The following WSB1 variants were observed in gnomAD, a reference collection of about 807,000 sequenced individuals.
The protein encoded by WSB1 is WD repeat and SOCS box containing 1.
Under a neutral mutation model 50.2 loss-of-function variants are expected in WSB1, and 23 were observed. The observed-to-expected ratio is 0.46, with a 90% CI of 0.33 to 0.65. The LOEUF is 0.65. Ranked by LOEUF, WSB1 falls within the 30% of genes least tolerant of loss-of-function variation. The pLI is 0.02. For synonymous variants in WSB1, 179 were observed against 172.0 expected (o/e 1.04, Z -0.32); for missense variants, 492 against 522.3 (o/e 0.94, Z 0.56).
chr17:27,294,718 C>T (rs1567680439), intron 1 of WSB1, among the ~76,000 whole-genome samples: 1 of 152,178 alleles, frequency 6.6e-6, no homozygotes, highest in Non-Finnish European at 1.5e-5. Flanking sequence ...GGCTCTTGTC[C>T]TGGGAGTTCT....
chr17:27,294,169 G>A lies in WSB1; in HGVS notation c.-227G>A. 2.6e-6 allele frequency: 1 copy of A among 389,284 alleles called. No homozygotes were observed. The highest frequency in any genetic ancestry group is 3.9e-5 in the East Asian group (1 of 25,696). 24.1% of individuals were successfully genotyped at this position (389,284 alleles called of 1,614,324 possible). Reference sequence around the variant, plus strand: ...GAACTGTCTTCCTCCGCAGGCGCGAGGCTGGGTACAGGGTCTATTGTCTGT... The same window carrying A: ...GAACTGTCTTCCTCCGCAGGCGCGAAGCTGGGTACAGGGTCTATTGTCTGT... On this transcript the variant is annotated 5_prime_UTR_variant, in exon 1 of 9. Transcript: ENST00000262394.
Position 27,315,394 on chromosome 17 carries a change from C to T in WSB1, c.*3025C>T, listed in dbSNP as rs1042401718. ...AATGAAATCACTTTAAAACCTATAA[C>T]TTGATCTTAGGTTGGCAAATCTTAA... On this transcript the variant is annotated 3_prime_UTR_variant, in exon 9 of 9. Transcript: ENST00000262394. The T allele has an allele frequency of 1.3e-5, 2 of 152,242 alleles. No homozygotes were observed. Among genetic ancestry groups the T allele is most frequent in the Admixed American group, 1.3e-4 (2 of 15,288 alleles). The allele number at this position is 152,242 out of a possible 1,614,324, so 9.4% of individuals were successfully genotyped here.
chr17:27,308,197 T>G, intron 5 of WSB1: 1 of 975,628 alleles, frequency 1.0e-6, no homozygotes, highest in Non-Finnish European at 1.2e-6. Context: ...TAATGTATTG[T>G]GTCTGTGCAG....
Position 27,303,543 on chromosome 17 carries a change from T to C in WSB1, c.386T>C (p.Ile129Thr), listed in dbSNP as rs762902828. The C allele has an allele frequency of 6.2e-6, 10 of 1,614,102 alleles. No individual in the cohort carries two copies. Among genetic ancestry groups the C allele is most frequent in the African/African-American group, 5.3e-5 (4 of 74,952 alleles). ...GAAAAACAGAGTCGCTGTGTAAATA[T>C]AGAATGGCATCGCTTCAGATTTGGA... ...VPEKQSRCVN[I>T]EWHRFRFGQD... The change falls in exon 3 of 9, where the codon ATA (isoleucine) becomes ACA (threonine). Residue 129 changes from isoleucine (I) to threonine (T), a missense_variant. By Grantham distance (89) the Ile-to-Thr change is moderately conservative. Transcript: ENST00000262394.
chr17:27,306,343 G>C (rs2017456643), intron 4 of WSB1, among the ~76,000 whole-genome samples: 1 of 150,424 alleles, frequency 6.6e-6, no homozygotes. Flanking sequence ...CTCCCAAGTA[G>C]CTAGGATTAC....
chr17:27,298,826 T>C (rs1322631923), intron 1 of WSB1, among the ~76,000 whole-genome samples: 1 of 152,118 alleles, frequency 6.6e-6, no homozygotes. Context: ...ATCAAGCCAC[T>C]GCACTCCAGC....
intron 1 of WSB1, among the ~76,000 whole-genome samples, chr17:27,301,360 A>G (rs553210857): frequency 1.4e-4 from 21 of 152,300 alleles, no homozygotes; most frequent in African/African-American, 5.1e-4. Flanking sequence ...ATGGTGAGGT[A>G]TGGTTTTTGA....
Position 27,294,331 on chromosome 17 carries a change from G to A in WSB1, c.-65G>A. 2 of 1,593,848 alleles carry A rather than the reference G, an allele frequency of 1.3e-6. No individual in the cohort carries two copies. Among genetic ancestry groups the A allele is most frequent in the South Asian group, 2.2e-5 (2 of 89,734 alleles). On this transcript the variant is annotated 5_prime_UTR_variant, in exon 1 of 9. Coordinates refer to ENST00000262394, the MANE Select transcript of WSB1 (RefSeq NM_015626.10). ...CAACTTGGCGTCACGCCCCTCAGCG[G>A]TCGCCACTCTCTTCTCTGTTGTTGG...
At chr17:27,307,966 T>C in intron 5 of WSB1, 1 of 1,250,400 alleles carries the variant, frequency 8.0e-7, no homozygotes, top group Non-Finnish European at 1.0e-6. Context: ...TCTTTTTTTC[T>C]TTTTTAAAGT....
intron 1 of WSB1, among the ~76,000 whole-genome samples, chr17:27,294,979 T>C (rs1388341834): frequency 2.0e-5 from 3 of 152,192 alleles, no homozygotes; most frequent in African/African-American, 7.2e-5. Context: ...TAGAATTATC[T>C]TTCAAACACT....
At chr17:27,303,160 C>G (rs889731470) in intron 2 of WSB1, 2 of 532,622 alleles carry the variant, frequency 3.8e-6, no homozygotes, top group African/African-American at 3.8e-5. Context: ...GTTGAACTTA[C>G]TACTCAGTCA....
At position 27,313,808 on chromosome 17, in the gene WSB1, T is replaced by C. The variant is rs1360026795; in HGVS notation, c.*1439T>C. On this transcript the variant is annotated 3_prime_UTR_variant, in exon 9 of 9. Transcript: ENST00000262394. Reference sequence around the variant, plus strand: ...GGCTCCCCGAGTGCAGCAGCTCTTATGGTGGTTTTGTTTTTAGGAGAACTG... The same window carrying C: ...GGCTCCCCGAGTGCAGCAGCTCTTACGGTGGTTTTGTTTTTAGGAGAACTG... 2.6e-5 allele frequency: 4 copies of C among 152,226 alleles called. No individual in the cohort carries two copies. Among genetic ancestry groups the C allele is most frequent in the Non-Finnish European group, 5.9e-5 (4 of 68,024 alleles). 9.4% of individuals were successfully genotyped at this position (152,226 alleles called of 1,614,324 possible).
At chr17:27,298,245 G>A (rs2017071331) in intron 1 of WSB1, among the ~76,000 whole-genome samples, 1 of 151,944 alleles carries the variant, frequency 6.6e-6, no homozygotes, top group Admixed American at 6.6e-5. Context: ...GAATGCAAGG[G>A]CTGTTCCTCG....
chr17:27,301,233 T>C (rs1350711754), intron 1 of WSB1, among the ~76,000 whole-genome samples: 1 of 152,164 alleles, frequency 6.6e-6, no homozygotes, highest in African/African-American at 2.4e-5. Flanking sequence ...GTAAGTCTCT[T>C]CTAGTTCTGA....
intron 1 of WSB1, among the ~76,000 whole-genome samples, chr17:27,295,757 G>A (rs1411010012): frequency 6.6e-6 from 1 of 151,804 alleles, no homozygotes; most frequent in Non-Finnish European, 1.5e-5. Context: ...TTATAGACGA[G>A]TGATCTGCCT....
intron 5 of WSB1, chr17:27,308,207 GA>G (rs11331002): frequency 0.37 from 344,491 of 924,318 alleles, 29,409 homozygotes; most frequent in African/African-American, 0.58. Flanking sequence ...TGTCTGTGCA[GA>G]AAAAAAAAAA....
intron 5 of WSB1, chr17:27,307,686 T>C: frequency 6.6e-7 from 1 of 1,504,520 alleles, no homozygotes. Flanking sequence ...AATTAGATGT[T>C]GACATTGCTA....
intron 7 of WSB1, among the ~76,000 whole-genome samples, chr17:27,311,013 T>C (rs182665355): frequency 6.6e-6 from 1 of 152,164 alleles, no homozygotes; most frequent in East Asian, 1.9e-4. Flanking sequence ...ACCTGGCTAG[T>C]TTTTTTAAAA....
At chr17:27,295,157 A>G (rs1597746926) in intron 1 of WSB1, among the ~76,000 whole-genome samples, 1 of 152,322 alleles carries the variant, frequency 6.6e-6, no homozygotes, top group East Asian at 1.9e-4. Context: ...GGCTCAGTGG[A>G]AAGCACGTCG....
Sources: gnomAD v4.1 joint callset for allele counts (sites outside exome capture counted in the v4.1 genomes callset) on GRCh38, gnomAD v4.1.1 for gene constraint, MANE v1.5 for transcripts, NCBI Gene and HGNC (gene_info 2026-07-23, HGNC 2026-07-21) for gene names.